Variants in LCP1 observed in about 807,000 individuals in gnomAD.
The protein encoded by LCP1 is plastin-2.
A neutral mutation model predicts 72.0 loss-of-function variants in LCP1; 23 were observed. That is an observed-to-expected ratio of 0.32 (90% CI 0.23 to 0.45). The LOEUF (loss-of-function observed/expected upper bound fraction) is 0.45, where lower values mean the gene tolerates loss of function less well. Among genes scored for constraint, LCP1 ranks in the 20% least tolerant of loss-of-function variants. The pLI, the probability that LCP1 is intolerant of heterozygous loss-of-function variation, is 1.00. For missense variants in LCP1, 571 were observed against 748.3 expected, an observed-to-expected ratio of 0.76 and a Z score of 2.76; for synonymous variants, 245 against 275.4, an observed-to-expected ratio of 0.89 and a Z score of 1.09.
chr13:46,141,610 C>A (rs118154235), intron 13 of LCP1, among the ~76,000 whole-genome samples: 5,923 of 152,064 alleles, frequency 0.039, 173 homozygotes, highest in Non-Finnish European at 0.058. Flanking sequence ...AAAGAAAAAA[C>A]TATCAACTTA....
intron 1 of LCP1, among the ~76,000 whole-genome samples, chr13:46,177,735 C>A (rs2045938405): frequency 1.3e-5 from 2 of 151,834 alleles, no homozygotes; most frequent in Admixed American, 6.6e-5. Flanking sequence ...AGACTAAGAA[C>A]CTTTTAAAGT....
chr13:46,131,245 A>G (rs1344550192), intron 14 of LCP1, among the ~76,000 whole-genome samples: 2 of 152,244 alleles, frequency 1.3e-5, no homozygotes, highest in African/African-American at 4.8e-5. Context: ...ATATGAAAAA[A>G]TGCAAAAATG....
intron 8 of LCP1, among the ~76,000 whole-genome samples, chr13:46,150,247 G>T (rs568716266): frequency 1.3e-5 from 2 of 152,174 alleles, no homozygotes; most frequent in Non-Finnish European, 2.9e-5. Flanking sequence ...TCTAGGGACC[G>T]CTTTCCATTC....
intron 1 of LCP1, among the ~76,000 whole-genome samples, chr13:46,165,818 C>T (rs898486997): frequency 1.3e-5 from 2 of 152,136 alleles, no homozygotes; most frequent in Non-Finnish European, 2.9e-5. Context: ...ATCAAGGTCA[C>T]GTCTGGGCTG....
intron 1 of LCP1, among the ~76,000 whole-genome samples, chr13:46,167,863 A>G (rs376232037): frequency 1.2e-4 from 19 of 152,236 alleles, no homozygotes; most frequent in African/African-American, 4.6e-4. Flanking sequence ...AATGCAGCAC[A>G]TGGATTACAG....
chr13:46,136,652 T>C (rs2045666864), intron 13 of LCP1, among the ~76,000 whole-genome samples: 1 of 152,234 alleles, frequency 6.6e-6, no homozygotes, highest in African/African-American at 2.4e-5. Flanking sequence ...AAAGGTTACA[T>C]TTTATGGCAT....
At chr13:46,176,715 C>T (rs2045932355) in intron 1 of LCP1, among the ~76,000 whole-genome samples, 2 of 152,166 alleles carry the variant, frequency 1.3e-5, no homozygotes, top group Non-Finnish European at 2.9e-5. Context: ...AGCAAATTAT[C>T]TGGGAGATTG....
chr13:46,134,050 C>A, intron 14 of LCP1, 77 bp downstream of exon 14: 2 of 1,489,916 alleles, frequency 1.3e-6, no homozygotes, highest in South Asian at 1.2e-5. Flanking sequence ...CACTGAAGGT[C>A]ACTTGAACAC....
At chr13:46,170,650 A>T (rs2138279587) in intron 1 of LCP1, among the ~76,000 whole-genome samples, 1 of 152,218 alleles carries the variant, frequency 6.6e-6, no homozygotes, top group South Asian at 2.1e-4. Context: ...TTTGCGTCTC[A>T]CTATCTGAAC....
intron 4 of LCP1, among the ~76,000 whole-genome samples, chr13:46,157,067 A>G (rs949652657): frequency 1.5e-4 from 23 of 151,696 alleles, no homozygotes; most frequent in East Asian, 5.8e-4. Flanking sequence ...TGATCTGCCC[A>G]CCTCAGCCTC....
intron 5 of LCP1, 64 bp from the exon 6 acceptor site, chr13:46,154,950 A>C (rs1451468160): frequency 8.0e-7 from 1 of 1,253,860 alleles, no homozygotes; most frequent in East Asian, 2.3e-5. Context: ...AGTAACGTTG[A>C]ATTTAAATTC....
chr13:46,132,806 G>T (rs1033540720), intron 14 of LCP1, among the ~76,000 whole-genome samples: 7 of 152,098 alleles, frequency 4.6e-5, no homozygotes, highest in African/African-American at 1.7e-4. Flanking sequence ...GGACACTCCT[G>T]CGACAGCCCT....
chr13:46,127,815 TC>T, intron 15 of LCP1, 92 bp from the exon 16 acceptor site: 1 of 1,484,286 alleles, frequency 6.7e-7, no homozygotes, highest in East Asian at 2.3e-5. Flanking sequence ...CGTTCCATAG[TC>T]AGGACAGAAC....
chr13:46,144,469 A>G lies in LCP1; in HGVS notation c.1226T>C (p.Val409Ala), dbSNP rs1456925080. The G allele has an allele frequency of 1.2e-6, 2 of 1,613,664 alleles. No homozygotes were observed. Among genetic ancestry groups the G allele is most frequent in the African/African-American group, 2.7e-5 (2 of 75,046 alleles). The change falls in exon 11 of 16, where the codon GTT becomes GCT. Residue 409 changes from valine (V) to alanine (A), a missense_variant. Transcript: ENST00000323076. ...TFRNWMNSLG[V>A]NPRVNHLYSD... ...GTACAAATGATTGACTCGAGGGTTA[A>G]CACCCAGGGAGTTCATCCAGTTCCT...
rs2045630586 is a variant in LCP1, at chr13:46,130,973, G to A, written c.1627-35C>T. On this transcript the variant is annotated intron_variant, in intron 14 of 15. Coordinates refer to ENST00000323076, the MANE Select transcript of LCP1 (RefSeq NM_002298.5). ...GACACAGGGAGGGTTTCATCAACGT[G>A]TCCCAAAGTTACTCCCATTCAGCTC... 3 of 1,547,072 alleles carry A rather than the reference G, an allele frequency of 1.9e-6. No individual in the cohort carries two copies. The East Asian group carries it at 7.1e-5, about 37-fold the overall frequency.
At chr13:46,153,428 C>T (rs1328468650) in intron 6 of LCP1, among the ~76,000 whole-genome samples, 3 of 152,134 alleles carry the variant, frequency 2.0e-5, no homozygotes, top group Admixed American at 6.5e-5. Flanking sequence ...AAGGCTGGCA[C>T]GGTGGCTCAT....
intron 1 of LCP1, among the ~76,000 whole-genome samples, chr13:46,172,065 A>C (rs1197461403): frequency 6.6e-6 from 1 of 152,278 alleles, no homozygotes; most frequent in South Asian, 2.1e-4. Context: ...AACTGTATTT[A>C]ACTCTGCCTG....
chr13:46,128,471 G>A (rs183975454), intron 15 of LCP1, among the ~76,000 whole-genome samples: 26 of 152,084 alleles, frequency 1.7e-4, no homozygotes, highest in East Asian at 9.7e-4. Context: ...GGTGGCGTGC[G>A]CCTGTAGTCC....
intron 2 of LCP1, 117 bp from the exon 3 acceptor site, chr13:46,159,106 A>G: frequency 1.1e-6 from 1 of 883,830 alleles, no homozygotes. Context: ...TCAGACATTA[A>G]GGCATGATCC....
Sources: gnomAD v4.1 joint callset for allele counts (sites outside exome capture counted in the v4.1 genomes callset) on GRCh38, gnomAD v4.1.1 for gene constraint, MANE v1.5 for transcripts, NCBI Gene and HGNC (gene_info 2026-07-23, HGNC 2026-07-21) for gene names.